The following CYFIP2 variants were observed in gnomAD, a reference collection of about 807,000 sequenced individuals.
CYFIP2 encodes cytoplasmic FMR1-interacting protein 2.
A neutral mutation model predicts 158.7 loss-of-function variants in CYFIP2; 29 were observed. The observed-to-expected ratio is 0.18, with a 90% CI of 0.14 to 0.25. The LOEUF (loss-of-function observed/expected upper bound fraction) is 0.25, where lower values mean the gene tolerates loss of function less well. Among genes scored for constraint, CYFIP2 ranks in the 10% least tolerant of loss-of-function variants. The probability of loss-of-function intolerance (pLI) is 1.00; values close to 1 mark genes in which losing one functional copy is unlikely to be tolerated. For missense variants in CYFIP2, 852 were observed against 1,639.5 expected, an observed-to-expected ratio of 0.52 and a Z score of 8.29; for synonymous variants, 585 against 617.6, an observed-to-expected ratio of 0.95 and a Z score of 0.78.
chr5:157,280,239 C>T (rs1756884211), intron 1 of CYFIP2, among the ~76,000 whole-genome samples: 1 of 152,060 alleles, frequency 6.6e-6, no homozygotes, highest in Non-Finnish European at 1.5e-5. Flanking sequence ...CCTTGTTGCC[C>T]AGGCTGGAGT....
intron 23 of CYFIP2, chr5:157,343,504 T>A: frequency 1.3e-6 from 2 of 1,587,772 alleles, no homozygotes; most frequent in Non-Finnish European, 8.6e-7. Context: ...TGATGGCTCC[T>A]GTATAAGAAA....
At chr5:157,389,129 G>A in intron 28 of CYFIP2, 60 bp from the exon 29 acceptor site, 3 of 1,482,924 alleles carry the variant, frequency 2.0e-6, no homozygotes, top group Non-Finnish European at 2.8e-6. Flanking sequence ...ATCTGTGGTG[G>A]GAGGTGGCAG....
At chr5:157,279,566 C>A (rs112762950) in intron 1 of CYFIP2, among the ~76,000 whole-genome samples, 6 of 146,652 alleles carry the variant, frequency 4.1e-5, no homozygotes, top group African/African-American at 1.4e-4. Flanking sequence ...CACCTAAAGC[C>A]CCCCCTTCTC....
intron 30 of CYFIP2, among the ~76,000 whole-genome samples, 177 bp downstream of exon 30, chr5:157,390,845 C>T (rs778821381): frequency 2.0e-5 from 3 of 152,184 alleles, no homozygotes; most frequent in Non-Finnish European, 4.4e-5. Context: ...GAGTCACCCA[C>T]TCATCACCTA....
At position 157,341,171 on chromosome 5, in the gene CYFIP2, C is replaced by A. The variant is rs1581099151; in HGVS notation, c.2673+14C>A. 8.1e-6 allele frequency: 13 copies of A among 1,610,284 alleles called. No homozygotes were observed. The highest frequency in any genetic ancestry group is 1.1e-5 in the Non-Finnish European group (13 of 1,176,516). ...TATGGATCCAAGGTAAGTAGTCCTG[C>A]CCTACCCTGCCTAGAAGAGGGTTGG... On this transcript the variant is annotated intron_variant, in intron 23 of 30. Transcript: ENST00000620254.
At chr5:157,309,607 G>A (rs1212209426) in intron 9 of CYFIP2, 136 bp from the exon 10 acceptor site, 1 of 722,032 alleles carries the variant, frequency 1.4e-6, no homozygotes, top group African/African-American at 1.8e-5. Context: ...TCACATGGTA[G>A]CGTCATCGGA....
At chr5:157,299,901 A>C (rs1208059595) in intron 5 of CYFIP2, among the ~76,000 whole-genome samples, 1 of 152,156 alleles carries the variant, frequency 6.6e-6, no homozygotes, top group Non-Finnish European at 1.5e-5. Context: ...CTCCATCTCA[A>C]AACAAAACAA....
intron 5 of CYFIP2, 59 bp downstream of exon 5, chr5:157,296,833 C>G: frequency 7.4e-7 from 1 of 1,346,494 alleles, no homozygotes; most frequent in South Asian, 1.2e-5. Flanking sequence ...AGTTTTCTAA[C>G]CACTGGGGTC....
chr5:157,349,641 T>C lies in CYFIP2; in HGVS notation c.2673+8484T>C, dbSNP rs7710675. 8.9e-3 allele frequency among the ~76,000 whole-genome samples: 1,362 copies of C among 152,358 alleles called. 18 individuals carry two copies. The highest frequency in any genetic ancestry group is 0.03 in the African/African-American group (1,259 of 41,580). On this transcript the variant is annotated intron_variant, in intron 23 of 30. Coordinates refer to ENST00000620254, the MANE Select transcript of CYFIP2 (RefSeq NM_001037333.3). ...TCTGGGTAGATACCCAGTAGTGGGA[T>C]TGCTGGATCAAATGGTAGTTCTCAC...
At chr5:157,268,319 A>G (rs2113796847) in intron 1 of CYFIP2, among the ~76,000 whole-genome samples, 1 of 152,350 alleles carries the variant, frequency 6.6e-6, no homozygotes, top group East Asian at 1.9e-4. Context: ...CAAGAGTCGG[A>G]TGTACAACCC....
chr5:157,322,304 C>T (rs1426942104), intron 15 of CYFIP2, among the ~76,000 whole-genome samples: 1 of 152,200 alleles, frequency 6.6e-6, no homozygotes, highest in Non-Finnish European at 1.5e-5. Context: ...TCTCCTGACA[C>T]CCACCCAGGG....
Position 157,390,656 on chromosome 5 carries a change from C to T in CYFIP2, c.3582C>T (p.Ile1194=). The T allele has an allele frequency of 1.3e-6, 2 of 1,586,774 alleles. No individual in the cohort carries two copies. Among genetic ancestry groups the T allele is most frequent in the Middle Eastern group, 1.7e-4 (1 of 5,824 alleles). Residue 1194 remains isoleucine (I), a synonymous_variant, in exon 30 of 31, where the codon ATC becomes ATT. Transcript: ENST00000620254. The part of the protein sequence containing the change: ...KVQRQDGKDE[I]IKNVPLKKMA... ...AGAGGCAGGACGGGAAGGATGAAATCATTAAGAATGTGGTGAGCAGGCTGG... is the reference window on the plus strand; with the variant it reads ...AGAGGCAGGACGGGAAGGATGAAATTATTAAGAATGTGGTGAGCAGGCTGG...
chr5:157,386,772 T>C (rs1766735528), intron 28 of CYFIP2, among the ~76,000 whole-genome samples: 1 of 151,858 alleles, frequency 6.6e-6, no homozygotes. Flanking sequence ...ATGCAAAAAT[T>C]AGTCGGGCGT....
At chr5:157,381,998 G>A (rs1301351314) in intron 26 of CYFIP2, among the ~76,000 whole-genome samples, 7 of 151,822 alleles carry the variant, frequency 4.6e-5, no homozygotes, top group Non-Finnish European at 1.0e-4. Flanking sequence ...CCCTAACCAA[G>A]CTTCCCCTCC....
intron 14 of CYFIP2, 92 bp from the exon 15 acceptor site, chr5:157,320,563 T>A: frequency 6.5e-7 from 1 of 1,531,350 alleles, no homozygotes; most frequent in South Asian, 1.2e-5. Context: ...ATGTGGGTGT[T>A]CCTGGGACAC....
At chr5:157,314,278 T>C in intron 11 of CYFIP2, 66 bp from the exon 12 acceptor site, 2 of 1,564,140 alleles carry the variant, frequency 1.3e-6, no homozygotes, top group East Asian at 2.3e-5. Context: ...CTTGGGGGAA[T>C]CAATGAGATA....
At chr5:157,351,424 AAAT>A (rs1763063382) in intron 23 of CYFIP2, among the ~76,000 whole-genome samples, 1 of 152,224 alleles carries the variant, frequency 6.6e-6, no homozygotes, top group South Asian at 2.1e-4. Flanking sequence ...CATTGTACAT[AAAT>A]AATATTGAAA....
Position 157,330,637 on chromosome 5 carries a change from T to C in CYFIP2, c.2157-105T>C, listed in dbSNP as rs186281541. On this transcript the variant is annotated intron_variant, in intron 19 of 30. Coordinates refer to ENST00000620254, the MANE Select transcript of CYFIP2 (RefSeq NM_001037333.3). Reference sequence around the variant, plus strand: ...ACAATTTTACTTAAGTTATATAAGATAGTGCTCTGTGGGTAGATCCTATGA... The same window carrying C: ...ACAATTTTACTTAAGTTATATAAGACAGTGCTCTGTGGGTAGATCCTATGA... 8.3e-5 allele frequency: 69 copies of C among 828,284 alleles called. No individual in the cohort carries two copies. In the African/African-American group the frequency reaches 1.1e-3, roughly 13 times the overall value. The allele number at this position is 828,284 out of a possible 1,614,324, so 51.3% of individuals were successfully genotyped here.
chr5:157,314,548 A>G, intron 12 of CYFIP2, 85 bp downstream of exon 12: 1 of 1,512,036 alleles, frequency 6.6e-7, no homozygotes, highest in Non-Finnish European at 8.9e-7. Context: ...TCTCTTTTTA[A>G]CAGATTTACG....
Sources: allele counts gnomAD v4.1 joint callset (sites outside exome capture counted in the v4.1 genomes callset), GRCh38; gene constraint gnomAD v4.1.1; transcripts MANE v1.5; gene names NCBI Gene and HGNC (gene_info 2026-07-23, HGNC 2026-07-21).